Variants in HIVEP3 observed in about 807,000 individuals in gnomAD.
HIVEP3 encodes transcription factor HIVEP3.
HIVEP3 carries 49 observed loss-of-function variants against 152.8 expected under a neutral mutation model. The observed-to-expected ratio is 0.32, with a 90% CI of 0.26 to 0.41. HIVEP3 has a LOEUF of 0.41. HIVEP3 is among the 10% of genes least tolerant of loss of function. HIVEP3 has a pLI of 1.00. For missense variants in HIVEP3, 2,790 were observed against 3,103.3 expected (o/e 0.90, Z 2.40); for synonymous variants, 1,269 against 1,289.0 (o/e 0.98, Z 0.33).
At chr1:41,759,456 G>C (rs935522668) in intron 1 of HIVEP3, among the ~76,000 whole-genome samples, 4 of 152,060 alleles carry the variant, frequency 2.6e-5, no homozygotes, top group Non-Finnish European at 5.9e-5. Flanking sequence ...CCACCTTTTG[G>C]CTATTGTGAA....
At chr1:41,776,068 T>C (rs951098276) in intron 1 of HIVEP3, among the ~76,000 whole-genome samples, 4 of 152,146 alleles carry the variant, frequency 2.6e-5, no homozygotes, top group African/African-American at 9.7e-5. Context: ...TTCCTGCAGC[T>C]GAAATAACAA....
At chr1:41,575,723 G>A in intron 4 of HIVEP3, 34 bp from the exon 5 acceptor site, 3 of 1,608,922 alleles carry the variant, frequency 1.9e-6, no homozygotes, top group South Asian at 1.1e-5. Context: ...AATCATTGCT[G>A]GTTAAAAGTG....
intron 1 of HIVEP3, among the ~76,000 whole-genome samples, chr1:41,880,342 C>T (rs1260020049): frequency 6.6e-6 from 1 of 152,096 alleles, no homozygotes; most frequent in East Asian, 1.9e-4. Flanking sequence ...CATGCCTGGC[C>T]CATCCTCTTA....
At chr1:41,777,447 G>A (rs1240819776) in intron 1 of HIVEP3, among the ~76,000 whole-genome samples, 2 of 152,172 alleles carry the variant, frequency 1.3e-5, no homozygotes, top group African/African-American at 4.8e-5. Context: ...GGCCTCATGG[G>A]GCAGACCAAC....
At position 41,533,761 on chromosome 1, in the gene HIVEP3, G is replaced by A. The variant is rs1643327989; in HGVS notation, c.5208-8851C>T. Among the ~76,000 whole-genome samples, 1 of 151,940 alleles carries A rather than the reference G, an allele frequency of 6.6e-6. No individual in the cohort carries two copies. The highest frequency in any genetic ancestry group is 2.4e-5 in the African/African-American group (1 of 41,340). On this transcript the variant is annotated intron_variant, in intron 5 of 8. Transcript: ENST00000372583. The surrounding 1 kb of genome is among the most constrained non-coding windows in gnomAD (Gnocchi z 4.3). ...CTCTTCTCACCACACACCTTCCCCA[G>A]GTGACCCTCCACCTGGGTGCTGATG... is the stretch of plus-strand genomic sequence containing the variant.
intron 1 of HIVEP3, among the ~76,000 whole-genome samples, chr1:41,790,840 C>T (rs1649648258): frequency 6.6e-6 from 1 of 152,130 alleles, no homozygotes; most frequent in Non-Finnish European, 1.5e-5. Flanking sequence ...CTAGCATATC[C>T]CATGCTCCCT....
Position 41,585,023 on chromosome 1 carries a change from C to G in HIVEP3, c.-226G>C. On this transcript the variant is annotated 5_prime_UTR_variant, in exon 4 of 9. Coordinates refer to ENST00000372583, the MANE Select transcript of HIVEP3 (RefSeq NM_024503.5). Reference sequence around the variant, plus strand: ...GCTATTCTATTGGTGAGGCATGGCCCTCTACTTTGCAGACAGAAAACGCAC... The same window carrying G: ...GCTATTCTATTGGTGAGGCATGGCCGTCTACTTTGCAGACAGAAAACGCAC... The G allele has an allele frequency of 2.5e-6, 1 of 407,818 alleles. No homozygotes were observed. The highest frequency in any genetic ancestry group is 4.3e-6 in the Non-Finnish European group (1 of 232,282). 25.3% of individuals were successfully genotyped at this position (407,818 alleles called of 1,614,324 possible).
chr1:41,900,987 G>A (rs783623), intron 1 of HIVEP3, among the ~76,000 whole-genome samples: 34,117 of 151,844 alleles, frequency 0.22, 4,794 homozygotes, highest in African/African-American at 0.39. Context: ...GTGGGGGACC[G>A]GTGAGGAATC....
intron 1 of HIVEP3, among the ~76,000 whole-genome samples, chr1:41,755,054 G>A (rs182490817): frequency 6.6e-6 from 1 of 152,192 alleles, no homozygotes; most frequent in East Asian, 1.9e-4. Context: ...CTGATGTTAA[G>A]ACATGATATA....
intron 1 of HIVEP3, among the ~76,000 whole-genome samples, chr1:41,928,992 A>G (rs974843760): frequency 6.6e-6 from 1 of 152,198 alleles, no homozygotes; most frequent in Non-Finnish European, 1.5e-5. Context: ...GGTTTCTCCA[A>G]TATGAAATTA....
chr1:41,572,983 G>A (rs1258626288), intron 5 of HIVEP3, among the ~76,000 whole-genome samples: 1 of 152,250 alleles, frequency 6.6e-6, no homozygotes, highest in Non-Finnish European at 1.5e-5. Context: ...GTGAGGCCAT[G>A]TGACTTGCTT....
intron 1 of HIVEP3, among the ~76,000 whole-genome samples, chr1:41,774,764 A>G (rs915112584): frequency 2.1e-5 from 3 of 144,996 alleles, no homozygotes; most frequent in African/African-American, 5.4e-5. Flanking sequence ...TTTCACAAGC[A>G]TCTTTTATTT....
intron 2 of HIVEP3, among the ~76,000 whole-genome samples, chr1:41,685,882 C>A (rs1646107192): frequency 6.6e-6 from 1 of 152,160 alleles, no homozygotes; most frequent in Admixed American, 6.5e-5. Flanking sequence ...CTTGCAAACT[C>A]CCCCTCTCTC....
At chr1:41,556,421 T>A (rs1643967434) in intron 5 of HIVEP3, among the ~76,000 whole-genome samples, 1 of 152,240 alleles carries the variant, frequency 6.6e-6, no homozygotes, top group South Asian at 2.1e-4. Context: ...CATTTGTATA[T>A]CTTGTTTGGA....
chr1:41,647,849 C>T (rs903694039), intron 2 of HIVEP3, among the ~76,000 whole-genome samples: 1 of 152,268 alleles, frequency 6.6e-6, no homozygotes, highest in Non-Finnish European at 1.5e-5. Context: ...GGGCCAGAAG[C>T]CCATGGGATG....
At chr1:41,731,406 A>G (rs976237676) in intron 1 of HIVEP3, among the ~76,000 whole-genome samples, 6 of 152,172 alleles carry the variant, frequency 3.9e-5, no homozygotes. Flanking sequence ...GTCCAGAAAA[A>G]ACAACCCATG....
At chr1:41,546,146 G>A (rs1643798416) in intron 5 of HIVEP3, among the ~76,000 whole-genome samples, 1 of 152,200 alleles carries the variant, frequency 6.6e-6, no homozygotes, top group Non-Finnish European at 1.5e-5. Flanking sequence ...GTGGGCAGCA[G>A]GGCGGGTGAC....
intron 1 of HIVEP3, among the ~76,000 whole-genome samples, chr1:41,925,800 A>G (rs1041183465): frequency 2.6e-5 from 4 of 152,200 alleles, no homozygotes; most frequent in Admixed American, 1.3e-4. Context: ...TTCTGTCAGT[A>G]TCTATTCCCC....
At chr1:41,697,616 G>C (rs1368337537) in intron 2 of HIVEP3, among the ~76,000 whole-genome samples, 1 of 152,176 alleles carries the variant, frequency 6.6e-6, no homozygotes, top group African/African-American at 2.4e-5. Context: ...GAGTTGGCTG[G>C]AGAGGCTGCT....
Sources: gnomAD v4.1 joint callset for allele counts (sites outside exome capture counted in the v4.1 genomes callset) on GRCh38, gnomAD v4.1.1 for gene constraint, Gnocchi (gnomAD v3.1) non-coding constraint, MANE v1.5 for transcripts, NCBI Gene and HGNC (gene_info 2026-07-23, HGNC 2026-07-21) for gene names.